PTPRG: variants seen among roughly 807,000 people sequenced by gnomAD.
PTPRG encodes the protein protein tyrosine phosphatase receptor type G, also known as receptor-type tyrosine-protein phosphatase gamma.
Under a neutral mutation model 165.3 loss-of-function variants are expected in PTPRG, and 102 were observed. The ratio of observed to expected loss-of-function variants is 0.62; its 90% CI spans 0.53 to 0.73. The LOEUF (loss-of-function observed/expected upper bound fraction) is 0.73. Among genes scored for constraint, PTPRG ranks in the 30% least tolerant of loss-of-function variants. PTPRG has a pLI of 0.00. For synonymous variants in PTPRG, 675 were observed against 669.5 expected (o/e 1.01, Z -0.13); for missense variants, 1,866 against 1,861.4 (o/e 1.00, Z -0.05).
chr3:62,193,809 A>G (rs535319825), intron 9 of PTPRG, among the ~76,000 whole-genome samples: 6 of 152,194 alleles, frequency 3.9e-5, no homozygotes, highest in East Asian at 3.8e-4. Context: ...CCCACTCCCA[A>G]TCGGTGGCTA....
Position 62,255,564 on chromosome 3 carries a change from T to C in PTPRG, c.2559+349T>C, listed in dbSNP as rs1701519092. ...CCCTAATTCCATGTCTTTTCTGCAA[T>C]GCACATGGTATAGTGAAGATAGCAG... On this transcript the variant is annotated intron_variant, in intron 16 of 29. Transcript: ENST00000474889. The surrounding 1 kb of genome is among the most constrained non-coding windows in gnomAD (Gnocchi z 4.0). 6.6e-6 allele frequency among the ~76,000 whole-genome samples: 1 copy of C among 152,134 alleles called. No individual in the cohort carries two copies.
In PTPRG at chr3:62,213,713, T is replaced by C. The variant is rs1700424222; in HGVS notation, c.2156-5138T>C. On this transcript the variant is annotated intron_variant, in intron 12 of 29. Coordinates refer to ENST00000474889, the MANE Select transcript of PTPRG (RefSeq NM_002841.4). This position sits in a 1 kb window ranked among gnomAD's most constrained non-coding sequence, Gnocchi z 4.4. ...CCGAAAGGCCTACAGCATGTTCTGGTCTCTGGAGGCCTAGGCATGGGGAAG... is the reference window on the plus strand; with the variant it reads ...CCGAAAGGCCTACAGCATGTTCTGGCCTCTGGAGGCCTAGGCATGGGGAAG... Among the ~76,000 whole-genome samples the C allele has an allele frequency of 2.0e-5, 3 of 152,108 alleles. No individual in the cohort carries two copies. Among genetic ancestry groups the C allele is most frequent in the Non-Finnish European group, 4.4e-5 (3 of 68,020 alleles).
chr3:61,913,239 A>T (rs1426342473), intron 2 of PTPRG, among the ~76,000 whole-genome samples: 1 of 152,064 alleles, frequency 6.6e-6, no homozygotes, highest in Admixed American at 6.5e-5. Flanking sequence ...TTTTTTTCTG[A>T]GACGGAGTCT....
intron 5 of PTPRG, among the ~76,000 whole-genome samples, chr3:62,110,049 T>C (rs112498441): frequency 6.6e-6 from 1 of 150,834 alleles, no homozygotes; most frequent in African/African-American, 2.4e-5. Context: ...CTTAGTTTCT[T>C]CCTTGTTCAG....
At chr3:62,121,157 G>A (rs1703056675) in intron 5 of PTPRG, among the ~76,000 whole-genome samples, 1 of 147,808 alleles carries the variant, frequency 6.8e-6, no homozygotes, top group Non-Finnish European at 1.5e-5. Flanking sequence ...GTTTCACCAT[G>A]TTAGCCAGGA....
chr3:61,894,301 CAAAAAAAAAAAAAAAAAAAA>C (rs767479285), intron 2 of PTPRG, among the ~76,000 whole-genome samples: 1 of 49,838 alleles, frequency 2.0e-5, no homozygotes, highest in African/African-American at 6.6e-5. Context: ...GACTCTGTGT[CAAAAAAAAAAAAAAAAAAAA>C]AAAAAAAAAA....
chr3:61,601,813 T>C (rs1323716726), intron 1 of PTPRG, among the ~76,000 whole-genome samples: 1 of 152,036 alleles, frequency 6.6e-6, no homozygotes, highest in Non-Finnish European at 1.5e-5. Context: ...TGGGTGGGAG[T>C]TGGGTGGATT....
chr3:61,571,946 C>A (rs2106774947), intron 1 of PTPRG, among the ~76,000 whole-genome samples: 1 of 152,266 alleles, frequency 6.6e-6, no homozygotes, highest in Non-Finnish European at 1.5e-5. Context: ...GGGTTGTTTG[C>A]CTCACCCTTC....
rs149810953 is a variant in PTPRG at position 62,001,979 on chromosome 3, A to C, written c.371-1370A>C. On this transcript the variant is annotated intron_variant, in intron 3 of 29. Coordinates refer to ENST00000474889, the MANE Select transcript of PTPRG (RefSeq NM_002841.4). ...ATGCCCAACACAGAGTGAAGGTGGC[A>C]CAGTGCTGTAGCATGTTTAATTGGC... is the stretch of plus-strand genomic sequence containing the variant. 1.2e-3 allele frequency among the ~76,000 whole-genome samples: 180 copies of C among 152,344 alleles called. 3 individuals are homozygous for C. The East Asian group carries it at 0.029, about 24-fold the overall frequency.
At chr3:62,260,399 A>G (rs77703547) in intron 16 of PTPRG, among the ~76,000 whole-genome samples, 1,878 of 152,278 alleles carry the variant, frequency 0.012, 14 homozygotes, top group Non-Finnish European at 0.017. Context: ...TCTTGCATCA[A>G]TGACTGTAGG....
chr3:62,102,694 C>T (rs905279570), intron 5 of PTPRG, among the ~76,000 whole-genome samples: 1 of 152,086 alleles, frequency 6.6e-6, no homozygotes, highest in Non-Finnish European at 1.5e-5. Context: ...ATCATCACTA[C>T]TCTCTGCCGG....
At chr3:61,983,346 TA>T (rs1162266933) in intron 2 of PTPRG, among the ~76,000 whole-genome samples, 3 of 152,154 alleles carry the variant, frequency 2.0e-5, no homozygotes, top group African/African-American at 7.2e-5. Flanking sequence ...ATGATACACA[TA>T]TTTTTGGATT....
chr3:62,013,780 GT>G (rs574798457), intron 4 of PTPRG, among the ~76,000 whole-genome samples: 55 of 147,222 alleles, frequency 3.7e-4, no homozygotes, highest in Middle Eastern at 3.6e-3. Context: ...TGCTGTACAG[GT>G]TTTTTTTTTT....
chr3:62,281,742 A>C, intron 27 of PTPRG, 33 bp downstream of exon 27: 1 of 1,570,164 alleles, frequency 6.4e-7, no homozygotes, highest in South Asian at 1.2e-5. Flanking sequence ...ACTAATAGCC[A>C]TACCTGGGCC....
At chr3:62,184,835 T>A (rs1447898138) in intron 8 of PTPRG, among the ~76,000 whole-genome samples, 1 of 152,200 alleles carries the variant, frequency 6.6e-6, no homozygotes, top group Non-Finnish European at 1.5e-5. Flanking sequence ...AGTAGTACTG[T>A]CTCTTTGACT....
chr3:61,948,196 A>G (rs1348550341), intron 2 of PTPRG, among the ~76,000 whole-genome samples: 4 of 152,242 alleles, frequency 2.6e-5, no homozygotes, highest in African/African-American at 9.6e-5. Context: ...GTGTTGGCAC[A>G]TGCCTGTAAT....
At chr3:61,862,782 A>G (rs925764907) in intron 2 of PTPRG, among the ~76,000 whole-genome samples, 1 of 151,976 alleles carries the variant, frequency 6.6e-6, no homozygotes, top group Non-Finnish European at 1.5e-5. Context: ...GTAAAAATCT[A>G]TTTCAGGGAG....
chr3:61,914,681 C>T (rs1315457918), intron 2 of PTPRG, among the ~76,000 whole-genome samples: 1 of 152,130 alleles, frequency 6.6e-6, no homozygotes, highest in Non-Finnish European at 1.5e-5. Context: ...AATCTTCTTC[C>T]TAGCTTATTT....
intron 6 of PTPRG, among the ~76,000 whole-genome samples, chr3:62,143,200 C>T (rs1703993362): frequency 6.6e-6 from 1 of 152,234 alleles, no homozygotes; most frequent in Admixed American, 6.5e-5. Flanking sequence ...CACCCTGACA[C>T]CATTGTGACT....
Sources: allele counts gnomAD v4.1 joint callset (sites outside exome capture counted in the v4.1 genomes callset), GRCh38; gene constraint gnomAD v4.1.1; non-coding constraint Gnocchi (gnomAD v3.1); transcripts MANE v1.5; gene names NCBI Gene and HGNC (gene_info 2026-07-23, HGNC 2026-07-21).